Variants in RUNDC3B observed in about 807,000 individuals in gnomAD.
The protein encoded by RUNDC3B is RUN domain-containing protein 3B.
RUNDC3B carries 33 observed loss-of-function variants against 58.4 expected under a neutral mutation model. That is an observed-to-expected ratio of 0.56 (90% CI 0.43 to 0.75). The LOEUF (loss-of-function observed/expected upper bound fraction) is 0.75, where lower values mean the gene tolerates loss of function less well. Among genes scored for constraint, RUNDC3B ranks in the 30% least tolerant of loss-of-function variants. RUNDC3B has a pLI of 0.00. For synonymous variants in RUNDC3B, 193 were observed against 195.2 expected (o/e 0.99, Z 0.10); for missense variants, 501 against 535.7 (o/e 0.94, Z 0.64).
intron 2 of RUNDC3B, among the ~76,000 whole-genome samples, chr7:87,679,081 C>T (rs990005843): frequency 4.8e-5 from 6 of 123,796 alleles, no homozygotes; most frequent in African/African-American, 1.6e-4. Context: ...TTATAAAACA[C>T]CCCAACTTTT....
intron 8 of RUNDC3B, among the ~76,000 whole-genome samples, chr7:87,801,299 G>T (rs558794566): frequency 6.6e-6 from 1 of 152,314 alleles, no homozygotes; most frequent in African/African-American, 2.4e-5. Context: ...TGGGTACAGA[G>T]AATAGCACAT....
intron 2 of RUNDC3B, among the ~76,000 whole-genome samples, chr7:87,688,669 TG>T (rs1827715134): frequency 6.6e-6 from 1 of 152,032 alleles, no homozygotes; most frequent in African/African-American, 2.4e-5. Flanking sequence ...TGAGACTTTA[TG>T]ATTTCTGTTT....
intron 1 of RUNDC3B, among the ~76,000 whole-genome samples, chr7:87,645,813 G>A (rs1315283137): frequency 3.3e-5 from 5 of 152,170 alleles, no homozygotes; most frequent in Non-Finnish European, 7.3e-5. Flanking sequence ...AGAGAAGTGA[G>A]TATTGAGTGG....
In RUNDC3B at chr7:87,737,294, C is replaced by T. The variant is rs1029988234; in HGVS notation, c.459-2497C>T. 5.3e-5 allele frequency among the ~76,000 whole-genome samples: 8 copies of T among 152,062 alleles called. No homozygotes were observed. The East Asian group carries it at 1.5e-3, about 29-fold the overall frequency. The stretch of plus-strand genomic sequence containing the variant: ...ATTGGATTAGTCATCTCAGGCTTTA[C>T]TCCTGGCTCATTTATTTTATGATCT... On this transcript the variant is annotated intron_variant, in intron 4 of 10. Coordinates refer to ENST00000394654, the MANE Select transcript of RUNDC3B (RefSeq NM_001134405.2).
intron 8 of RUNDC3B, among the ~76,000 whole-genome samples, chr7:87,796,159 T>G (rs1835809153): frequency 6.6e-6 from 1 of 152,108 alleles, no homozygotes; most frequent in African/African-American, 2.4e-5. Flanking sequence ...TTGCAACAAC[T>G]TGGGTGGAAT....
At chr7:87,727,994 A>C (rs1449556480) in intron 4 of RUNDC3B, among the ~76,000 whole-genome samples, 1 of 152,166 alleles carries the variant, frequency 6.6e-6, no homozygotes, top group Non-Finnish European at 1.5e-5. Context: ...ATAGCAGAGA[A>C]TATTATTAAA....
At chr7:87,682,275 G>A (rs548782042) in intron 2 of RUNDC3B, among the ~76,000 whole-genome samples, 16 of 152,240 alleles carry the variant, frequency 1.1e-4, no homozygotes, top group Admixed American at 3.3e-4. Context: ...ATGAGAGTTG[G>A]AATCAACTTT....
At chr7:87,703,885 C>CTTTTTTTTTTTTTT in intron 3 of RUNDC3B, among the ~76,000 whole-genome samples, 68 of 60,280 alleles carry the variant, frequency 1.1e-3, no homozygotes, top group African/African-American at 1.4e-3. Context: ...TCAGTTTTTT[C>CTTTTTTTTTTTTTT]TTTTTTTTTT....
intron 6 of RUNDC3B, among the ~76,000 whole-genome samples, chr7:87,765,216 A>G (rs1416299605): frequency 6.6e-6 from 1 of 151,786 alleles, no homozygotes; most frequent in African/African-American, 2.4e-5. Flanking sequence ...CTAGTGGTCT[A>G]TTAATTTTTT....
chr7:87,640,458 C>G (rs1822316581), intron 1 of RUNDC3B, among the ~76,000 whole-genome samples: 2 of 152,106 alleles, frequency 1.3e-5, no homozygotes, highest in South Asian at 4.1e-4. Flanking sequence ...TCCAGTGATC[C>G]TCAGCCTCCT....
At chr7:87,767,628 ATGCAGTTCAATC>A (rs1189309350) in intron 6 of RUNDC3B, among the ~76,000 whole-genome samples, 4 of 152,190 alleles carry the variant, frequency 2.6e-5, no homozygotes, top group African/African-American at 9.7e-5. Flanking sequence ...TTATTTGGTG[ATGCAGTTCAATC>A]TCCAGTTCAG....
At chr7:87,677,361 C>T (rs551018736) in intron 2 of RUNDC3B, among the ~76,000 whole-genome samples, 2 of 148,576 alleles carry the variant, frequency 1.3e-5, no homozygotes, top group South Asian at 2.1e-4. Flanking sequence ...GGAAATCCTG[C>T]GATTTGCAGT....
chr7:87,777,653 A>C, intron 7 of RUNDC3B, 145 bp from the exon 8 acceptor site: 1 of 589,468 alleles, frequency 1.7e-6, no homozygotes, highest in Non-Finnish European at 2.9e-6. Context: ...AATTAAGACA[A>C]ATTTTTTACT....
rs17149850 is a variant in RUNDC3B, at chr7:87,691,037, A to G, written c.239-9384A>G. 3.1e-3 allele frequency among the ~76,000 whole-genome samples: 474 copies of G among 152,282 alleles called. 6 individuals are homozygous for G. In the East Asian group the frequency reaches 0.049, roughly 16 times the overall value. On this transcript the variant is annotated intron_variant, in intron 2 of 10. Transcript: ENST00000394654. ...ATTATATCAATCACGATAGTGATTCAATGATCAAAGAAATGGAAATGAATA... is the reference window on the plus strand; with the variant it reads ...ATTATATCAATCACGATAGTGATTCGATGATCAAAGAAATGGAAATGAATA...
At chr7:87,685,323 A>G (rs1000039130) in intron 2 of RUNDC3B, among the ~76,000 whole-genome samples, 3 of 152,234 alleles carry the variant, frequency 2.0e-5, no homozygotes, top group African/African-American at 7.2e-5. Context: ...ATGGCAAGTA[A>G]ACAAATGAAA....
chr7:87,700,779 G>C (rs1828962202), intron 3 of RUNDC3B, among the ~76,000 whole-genome samples: 1 of 152,060 alleles, frequency 6.6e-6, no homozygotes, highest in Admixed American at 6.5e-5. Flanking sequence ...TTCTTTAATG[G>C]GTACAAAATG....
At chr7:87,789,173 C>CA (rs1223959133) in intron 8 of RUNDC3B, among the ~76,000 whole-genome samples, 1 of 152,174 alleles carries the variant, frequency 6.6e-6, no homozygotes, top group African/African-American at 2.4e-5. Context: ...AGCTTGAACA[C>CA]ATTTGTCATA....
intron 4 of RUNDC3B, among the ~76,000 whole-genome samples, chr7:87,736,889 ATTTTTTTT>A (rs869109911): frequency 3.5e-4 from 10 of 28,224 alleles, no homozygotes; most frequent in Admixed American, 1.6e-3. Context: ...ATATATATAT[ATTTTTTTT>A]TTTTTTTTTT....
intron 2 of RUNDC3B, among the ~76,000 whole-genome samples, chr7:87,667,319 T>C (rs1045475156): frequency 6.6e-6 from 1 of 152,144 alleles, no homozygotes; most frequent in African/African-American, 2.4e-5. Flanking sequence ...ATGCTAGTGA[T>C]TTTTGTACAT....
Sources: allele counts gnomAD v4.1 joint callset (sites outside exome capture counted in the v4.1 genomes callset), GRCh38; gene constraint gnomAD v4.1.1; transcripts MANE v1.5; gene names NCBI Gene and HGNC (gene_info 2026-07-23, HGNC 2026-07-21).